The following PRRC2C variants were observed in gnomAD, a reference collection of about 807,000 sequenced individuals.
PRRC2C encodes the protein proline rich coiled-coil 2C.
A neutral mutation model predicts 317.2 loss-of-function variants in PRRC2C; 72 were observed. The observed-to-expected ratio is 0.23, with a 90% CI of 0.19 to 0.28. PRRC2C has a LOEUF of 0.28. Ranked by LOEUF, PRRC2C falls within the 10% of genes least tolerant of loss-of-function variation. The probability of loss-of-function intolerance (pLI) is 1.00; values close to 1 mark genes in which losing one functional copy is unlikely to be tolerated. For synonymous variants in PRRC2C, 1,296 were observed against 1,205.9 expected, an observed-to-expected ratio of 1.07 and a Z score of -1.55; for missense variants, 3,074 against 3,459.7, an observed-to-expected ratio of 0.89 and a Z score of 2.80.
intron 34 of PRRC2C, chr1:171,591,372 G>GTTT: frequency 2.1e-5 from 11 of 514,908 alleles, no homozygotes; most frequent in Non-Finnish European, 2.5e-5. Context: ...GTGGTCCTGT[G>GTTT]GTTTTTTTTT....
At chr1:171,493,976 C>T (rs1422173230) in intron 1 of PRRC2C, among the ~76,000 whole-genome samples, 2 of 152,110 alleles carry the variant, frequency 1.3e-5, no homozygotes, top group African/African-American at 4.8e-5. Flanking sequence ...GATATTATAG[C>T]CCACCCAGGT....
intron 18 of PRRC2C, among the ~76,000 whole-genome samples, chr1:171,551,038 A>G (rs1353308333): frequency 2.0e-5 from 3 of 152,162 alleles, no homozygotes; most frequent in Non-Finnish European, 2.9e-5. Context: ...TTGAGGAATC[A>G]CCACACTGTC....
At position 171,587,059 on chromosome 1, in the gene PRRC2C, G is replaced by A; in HGVS notation, c.7806G>A (p.Gly2602=). 1 of 1,611,828 alleles carries A rather than the reference G, an allele frequency of 6.2e-7. No homozygotes were observed. Among genetic ancestry groups the A allele is most frequent in the South Asian group, 1.1e-5 (1 of 90,396 alleles). ...CCTTGCCTAATTTTGGATCTACAGG[G>A]CAACCTCTAATTGCTTTGCCTCAGA... ...QLSLPNFGST[G]QPLIALPQTL... is the part of the protein sequence containing the mutation. Residue 2602 remains glycine (G), a synonymous_variant, in exon 31 of 35, where the codon GGG becomes GGA. Coordinates refer to ENST00000647382, the MANE Select transcript of PRRC2C (RefSeq NM_001387844.1).
chr1:171,512,130 GA>G lies in PRRC2C; in HGVS notation c.47del (p.Lys16SerfsTer16). The G allele has an allele frequency of 3.2e-6, 5 of 1,580,670 alleles. No individual in the cohort carries two copies. The highest frequency in any genetic ancestry group is 1.8e-5 in the Admixed American group (1 of 54,622). On this transcript the variant is annotated frameshift_variant, in exon 2 of 35. Transcript: ENST00000647382. LOFTEE classifies it high-confidence loss of function. ...GCCAGAGCACAAAAGCAAAGGATGG[GA>G]AAAAGTATGCAACACTCAGTTTATT... ...SGQSTKAKDG[K>X]KYATLSLFNT... is the part of the protein sequence containing the mutation.
chr1:171,546,910 G>A (rs1014936855), intron 17 of PRRC2C, among the ~76,000 whole-genome samples: 1 of 151,160 alleles, frequency 6.6e-6, no homozygotes, highest in Admixed American at 6.6e-5. Context: ...GAGCCACCAC[G>A]CCCAGCCATA....
intron 23 of PRRC2C, among the ~76,000 whole-genome samples, chr1:171,569,757 T>G (rs1684417389): frequency 6.6e-6 from 1 of 151,380 alleles, no homozygotes; most frequent in Non-Finnish European, 1.5e-5. Context: ...TTATACTTTG[T>G]GTCTTTTCTC....
chr1:171,566,230 T>A lies in PRRC2C; in HGVS notation c.6118-3T>A. On this transcript the variant is annotated splice_polypyrimidine_tract_variant and splice_region_variant and intron_variant, in intron 20 of 34. Coordinates refer to ENST00000647382, the MANE Select transcript of PRRC2C (RefSeq NM_001387844.1). ...AGCAAGTTTTAAAATATTCTTTTAC[T>A]AGGGAGCGAAGAATGGTCAAGAAAG... 1 of 1,605,358 alleles carries A rather than the reference T, an allele frequency of 6.2e-7. No homozygotes were observed. Among genetic ancestry groups the A allele is most frequent in the Non-Finnish European group, 8.5e-7 (1 of 1,175,684 alleles).
chr1:171,544,955 T>C (rs1678781311), intron 16 of PRRC2C, among the ~76,000 whole-genome samples: 1 of 152,194 alleles, frequency 6.6e-6, no homozygotes, highest in Non-Finnish European at 1.5e-5. Context: ...TTAAGAACTG[T>C]AGGGGATACA....
rs747589704 is a variant in PRRC2C at position 171,566,215 on chromosome 1, A to G, written c.6118-18A>G. 16 of 1,591,340 alleles carry G rather than the reference A, an allele frequency of 1.0e-5. No individual in the cohort carries two copies. Among genetic ancestry groups the G allele is most frequent in the Admixed American group, 7.0e-5 (4 of 56,946 alleles). ...GAACTATACTTTGCAAGCAAGTTTT[A>G]AAATATTCTTTTACTAGGGAGCGAA... On this transcript the variant is annotated intron_variant, in intron 20 of 34. Coordinates refer to ENST00000647382, the MANE Select transcript of PRRC2C (RefSeq NM_001387844.1).
chr1:171,552,906 A>G (rs1363050055), intron 18 of PRRC2C, among the ~76,000 whole-genome samples: 1 of 152,030 alleles, frequency 6.6e-6, no homozygotes, highest in African/African-American at 2.4e-5. Context: ...TTCATCAGGG[A>G]TATTGGTCTA....
intron 20 of PRRC2C, among the ~76,000 whole-genome samples, chr1:171,562,154 G>C (rs1372593976): frequency 6.6e-6 from 1 of 152,238 alleles, no homozygotes; most frequent in African/African-American, 2.4e-5. Context: ...AAGGATATAA[G>C]AGAGTATGCT....
rs924352116 is a variant in PRRC2C, at chr1:171,589,390, G to A, written c.8221G>A (p.Val2741Ile). The change falls in exon 34 of 35, where the codon GTC (valine) becomes ATC (isoleucine). Residue 2741 changes from valine to isoleucine, a missense_variant. By Grantham distance (29) the Val-to-Ile change is conservative (BLOSUM62 3). This residue lies in a region of PRRC2C where 490 missense variants were observed against 663.1 expected (regional missense o/e 0.74). Coordinates refer to ENST00000647382, the MANE Select transcript of PRRC2C (RefSeq NM_001387844.1). ...APQILSQPNL[V>I]PPLVRAPHTN... ...TCAGATTCTCTCCCAGCCTAACCTGGTCCCTCCATTGGTAAGAGCCCCACA... is the reference window on the plus strand; with the variant it reads ...TCAGATTCTCTCCCAGCCTAACCTGATCCCTCCATTGGTAAGAGCCCCACA... The A allele has an allele frequency of 7.8e-7, 1 of 1,286,212 alleles. No individual in the cohort carries two copies. The highest frequency in any genetic ancestry group is 1.5e-5 in the African/African-American group (1 of 65,020). The allele number at this position is 1,286,212 out of a possible 1,614,324, so 79.7% of individuals were successfully genotyped here.
chr1:171,582,493 A>G (rs570962876), intron 28 of PRRC2C, among the ~76,000 whole-genome samples: 1 of 152,288 alleles, frequency 6.6e-6, no homozygotes, highest in East Asian at 1.9e-4. Context: ...CATAGAGTGT[A>G]CCTACAGGAA....
At chr1:171,520,065 C>T (rs1361981952) in intron 6 of PRRC2C, among the ~76,000 whole-genome samples, 1 of 152,138 alleles carries the variant, frequency 6.6e-6, no homozygotes, top group Non-Finnish European at 1.5e-5. Flanking sequence ...CAGGTTCAAG[C>T]GATTCTCCCG....
At chr1:171,486,660 T>G (rs1170512363) in intron 1 of PRRC2C, among the ~76,000 whole-genome samples, 2 of 152,174 alleles carry the variant, frequency 1.3e-5, no homozygotes, top group African/African-American at 4.8e-5. Context: ...CAGCCTGGGT[T>G]CATAGATTCA....
Position 171,539,638 on chromosome 1 carries a change from C to T in PRRC2C, c.2505-333C>T, listed in dbSNP as rs182336495. On this transcript the variant is annotated intron_variant, in intron 15 of 34. Transcript: ENST00000647382. ...CATGTTCCTCATGTAAGATATTTGT[C>T]CTGACTGACTGACTTCACTTAAGCA... is the stretch of plus-strand genomic sequence containing the variant. Among the ~76,000 whole-genome samples the T allele has an allele frequency of 7.2e-4, 109 of 152,244 alleles. No homozygotes were observed. The South Asian group carries it at 0.011, about 15-fold the overall frequency.
At chr1:171,590,278 A>AT (rs1651139977) in intron 34 of PRRC2C, among the ~76,000 whole-genome samples, 1 of 152,352 alleles carries the variant, frequency 6.6e-6, no homozygotes, top group South Asian at 2.1e-4. Flanking sequence ...AAAGGCACTG[A>AT]TAAACATGAG....
chr1:171,540,497 C>T lies in PRRC2C; in HGVS notation c.3031C>T (p.Pro1011Ser), dbSNP rs1412165372. The T allele has an allele frequency of 6.2e-7, 1 of 1,612,922 alleles. No individual in the cohort carries two copies. The highest frequency in any genetic ancestry group is 1.3e-5 in the African/African-American group (1 of 74,692). Reference protein sequence around the residue: ...SNRREEVNDRPVRRSGPIKKP... With the variant: ...SNRREEVNDRSVRRSGPIKKP... The stretch of plus-strand genomic sequence containing the variant: ...CAGAAGGGAAGAAGTTAATGATAGA[C>T]CTGTGAGAAGATCAGGTCCCATTAA... The change falls in exon 16 of 35, where the codon CCT (proline) becomes TCT (serine). Residue 1011 changes from proline (P) to serine (S), a missense_variant. Pro to Ser is a moderately conservative substitution (Grantham distance 74). This residue lies in a region of PRRC2C where 1,320 missense variants were observed against 1,395.7 expected (regional missense o/e 0.95). Transcript: ENST00000647382.
At position 171,540,433 on chromosome 1, in the gene PRRC2C, T is replaced by A. The variant is rs1304963440; in HGVS notation, c.2967T>A (p.Ser989=). Residue 989 remains serine (S), a synonymous_variant, in exon 16 of 35, where the codon TCT becomes TCA. Coordinates refer to ENST00000647382, the MANE Select transcript of PRRC2C (RefSeq NM_001387844.1). ...CAAAACCTGAAAAAGTATATAAATC[T>A]AAATCAGAAACTCGTTGGGGCCCAC... ...EGPKPEKVYK[S]KSETRWGPRP... is the part of the protein sequence containing the mutation. 1 of 1,612,832 alleles carries A rather than the reference T, an allele frequency of 6.2e-7. No individual in the cohort carries two copies. Among genetic ancestry groups the A allele is most frequent in the Middle Eastern group, 1.6e-4 (1 of 6,062 alleles).
Sources: gnomAD v4.1 joint callset for allele counts (sites outside exome capture counted in the v4.1 genomes callset) on GRCh38, gnomAD v4.1.1 for gene constraint, gnomAD v4.1.1 regional missense constraint, MANE v1.5 for transcripts, NCBI Gene and HGNC (gene_info 2026-07-23, HGNC 2026-07-21) for gene names.